The following MON1A variants were observed in gnomAD, a reference collection of about 807,000 sequenced individuals.
The protein encoded by MON1A is vacuolar fusion protein MON1 homolog A.
Under a neutral mutation model 44.6 loss-of-function variants are expected in MON1A, and 29 were observed. The ratio of observed to expected loss-of-function variants is 0.65; its 90% CI spans 0.48 to 0.89. The LOEUF is 0.89. MON1A is among the 40% of genes least tolerant of loss of function. The pLI is 0.00. For missense variants in MON1A, 615 were observed against 759.6 expected (o/e 0.81, Z 2.24); for synonymous variants, 275 against 316.4 (o/e 0.87, Z 1.39).
At chr3:49,928,667 CT>C (rs1379027386) in intron 1 of MON1A, among the ~76,000 whole-genome samples, 2 of 152,110 alleles carry the variant, frequency 1.3e-5, no homozygotes, top group Non-Finnish European at 2.9e-5. Context: ...CACCTTAACC[CT>C]TTGGAGCGGC....
intron 1 of MON1A, among the ~76,000 whole-genome samples, chr3:49,922,341 G>A (rs1559495827): frequency 1.3e-5 from 2 of 152,022 alleles, no homozygotes; most frequent in Non-Finnish European, 2.9e-5. Flanking sequence ...AGCTACCCCG[G>A]GAGGCTGAGG....
chr3:49,911,637 CA>C lies in MON1A; in HGVS notation c.501del (p.Val168CysfsTer42). ...HVFVLSEAGKPVYSRYGSEEA... is the reference protein window; with the variant it reads ...HVFVLSEAGKXVYSRYGSEEA... ...TCCTCAGACCCATAGCGGGAGTACA[CA>C]GGCTTCCCTGCCTCACTCAGCACAA... On this transcript the variant is annotated frameshift_variant, in exon 3 of 6. Coordinates refer to ENST00000296473, the MANE Select transcript of MON1A (RefSeq NM_032355.4). LOFTEE classifies it high-confidence loss of function. This position sits in a 1 kb window ranked among gnomAD's most constrained non-coding sequence, Gnocchi z 5.7. The C allele has an allele frequency of 6.2e-7, 1 of 1,614,188 alleles. No individual in the cohort carries two copies. The highest frequency in any genetic ancestry group is 8.5e-7 in the Non-Finnish European group (1 of 1,180,000).
At position 49,913,309 on chromosome 3, in the gene MON1A, C is replaced by T. The variant is rs1367159230; in HGVS notation, c.38G>A (p.Cys13Tyr). 2 of 1,613,682 alleles carry T rather than the reference C, an allele frequency of 1.2e-6. No homozygotes were observed. Among genetic ancestry groups the T allele is most frequent in the African/African-American group, 2.7e-5 (2 of 74,934 alleles). Reference protein sequence around the residue: ...TDMQRKRSSECLDGTLTPSDG... With the variant: ...TDMQRKRSSEYLDGTLTPSDG... ...AGAAGGAGTCAATGTGCCATCAAGG[C>T]ATTCGCTGCTTCTCTTCCTCTGCAT... The change falls in exon 2 of 6, where the codon TGC becomes TAC. Residue 13 changes from cysteine (C) to tyrosine (Y), a missense_variant. Cys to Tyr is a radical substitution (Grantham distance 194). Coordinates refer to ENST00000296473, the MANE Select transcript of MON1A (RefSeq NM_032355.4).
intron 1 of MON1A, among the ~76,000 whole-genome samples, chr3:49,913,701 C>T (rs961428502): frequency 6.3e-5 from 9 of 142,478 alleles, no homozygotes; most frequent in East Asian, 5.8e-4. Flanking sequence ...CTCGCTCTGC[C>T]GCCCAGGCTG....
At position 49,909,953 on chromosome 3, in the gene MON1A, GAGAGTCTGGGTCTCTGGTGCC is replaced by G. The variant is rs1670861434; in HGVS notation, c.1379+145_1379+165del. 8 of 735,080 alleles carry G rather than the reference GAGAGTCTGGGTCTCTGGTGCC, an allele frequency of 1.1e-5. No individual in the cohort carries two copies. Among genetic ancestry groups the G allele is most frequent in the South Asian group, 5.7e-5 (3 of 52,258 alleles). The allele number at this position is 735,080 out of a possible 1,614,324, so 45.5% of individuals were successfully genotyped here. A position where few individuals can be genotyped will look rare whatever the true frequency, so the allele number is the denominator to read the frequency against. Reference sequence around the variant, plus strand: ...GAGAGGGTATGCTCATGGGGTGATGGAGAGTCTGGGTCTCTGGTGCCAGAGTAAAACAGGCCCAGCACACTG... The same window carrying G: ...GAGAGGGTATGCTCATGGGGTGATGGAGAGTAAAACAGGCCCAGCACACTG... On this transcript the variant is annotated intron_variant, in intron 4 of 5. Transcript: ENST00000296473. This position sits in a 1 kb window ranked among gnomAD's most constrained non-coding sequence, Gnocchi z 4.0.
chr3:49,927,907 A>T (rs1488754287), intron 1 of MON1A, among the ~76,000 whole-genome samples: 1 of 151,742 alleles, frequency 6.6e-6, no homozygotes, highest in East Asian at 1.9e-4. Flanking sequence ...TCTCAAAAAA[A>T]AAAACAACAA....
intron 1 of MON1A, among the ~76,000 whole-genome samples, chr3:49,921,786 A>G (rs1048658892): frequency 2.0e-5 from 3 of 151,880 alleles, no homozygotes; most frequent in Non-Finnish European, 2.9e-5. Context: ...CAGCCTCCCG[A>G]GTAGCAGGGA....
At chr3:49,929,356 G>T in intron 1 of MON1A, 1 of 563,950 alleles carries the variant, frequency 1.8e-6, no homozygotes, top group Non-Finnish European at 3.1e-6. Context: ...TGGGGGAGTG[G>T]GGAGAGTCCT....
chr3:49,913,368 C>A lies in MON1A; in HGVS notation c.-13-9G>T. The A allele has an allele frequency of 6.2e-7, 1 of 1,600,858 alleles. No homozygotes were observed. The highest frequency in any genetic ancestry group is 1.1e-5 in the South Asian group (1 of 90,498). ...CCATCCTTTGAGCTCTCCTGTGGGGCAAACAAATGCAACATCGATGGCTTT... is the reference window on the plus strand; with the variant it reads ...CCATCCTTTGAGCTCTCCTGTGGGGAAAACAAATGCAACATCGATGGCTTT... On this transcript the variant is annotated splice_polypyrimidine_tract_variant and intron_variant, in intron 1 of 5. Coordinates refer to ENST00000296473, the MANE Select transcript of MON1A (RefSeq NM_032355.4).
In MON1A at chr3:49,911,767, T is replaced by TG. The variant is rs1159922855; in HGVS notation, c.371dup (p.Gly125ArgfsTer20). On this transcript the variant is annotated frameshift_variant, in exon 3 of 6. Coordinates refer to ENST00000296473, the MANE Select transcript of MON1A (RefSeq NM_032355.4). LOFTEE classifies it high-confidence loss of function. The surrounding 1 kb of genome is among the most constrained non-coding windows in gnomAD (Gnocchi z 5.7). ...CTGTGGCTGGTCGCCCAACTGCCCCTGGGGGTTCCAGCCAATCCTCAGAGC... is the reference window on the plus strand; with the variant it reads ...CTGTGGCTGGTCGCCCAACTGCCCCTGGGGGGTTCCAGCCAATCCTCAGAGC... 2 of 1,613,148 alleles carry TG rather than the reference T, an allele frequency of 1.2e-6. No homozygotes were observed. Among genetic ancestry groups the TG allele is most frequent in the Non-Finnish European group, 1.7e-6 (2 of 1,179,792 alleles).
At position 49,909,404 on chromosome 3, in the gene MON1A, C is replaced by T. The variant is rs2082849000; in HGVS notation, c.1380-4G>A. Reference sequence around the variant, plus strand: ...GTATGGGGCCTCAATCTCAGGGCTGCAGACAGGGTGGAGGGAGTGGGTTTG... The same window carrying T: ...GTATGGGGCCTCAATCTCAGGGCTGTAGACAGGGTGGAGGGAGTGGGTTTG... On this transcript the variant is annotated splice_region_variant and splice_polypyrimidine_tract_variant and intron_variant, in intron 4 of 5. Coordinates refer to ENST00000296473, the MANE Select transcript of MON1A (RefSeq NM_032355.4). This position sits in a 1 kb window ranked among gnomAD's most constrained non-coding sequence, Gnocchi z 4.0. 6.2e-7 allele frequency: 1 copy of T among 1,613,910 alleles called. No individual in the cohort carries two copies. Among genetic ancestry groups the T allele is most frequent in the South Asian group, 1.1e-5 (1 of 91,074 alleles).
rs539836135 is a variant in MON1A at position 49,911,806 on chromosome 3, C to T, written c.333G>A (p.Glu111=). The T allele has an allele frequency of 8.1e-6, 13 of 1,613,904 alleles. No homozygotes were observed. The highest frequency in any genetic ancestry group is 2.7e-5 in the African/African-American group (2 of 75,054). ...AATCCTCAGAGCTTCCTGGCAGCAT[C>T]TCCTCCTGCAGGTCCCGGGCCACAC... is the stretch of plus-strand genomic sequence containing the variant. ...LTGVARDLQE[E]MLPGSSEDWL... Residue 111 remains glutamate, a synonymous_variant, in exon 3 of 6, where the codon GAG becomes GAA. Coordinates refer to ENST00000296473, the MANE Select transcript of MON1A (RefSeq NM_032355.4). The surrounding 1 kb of genome is among the most constrained non-coding windows in gnomAD (Gnocchi z 5.7).
intron 1 of MON1A, among the ~76,000 whole-genome samples, chr3:49,928,023 C>T (rs2083064769): frequency 6.6e-6 from 1 of 152,180 alleles, no homozygotes; most frequent in South Asian, 2.1e-4. Flanking sequence ...TTATTCTGTC[C>T]TCAGGGCCCA....
In MON1A at chr3:49,909,280, C is replaced by T. The variant is rs370975679; in HGVS notation, c.1500G>A (p.Thr500=). 2.0e-5 allele frequency: 33 copies of T among 1,613,830 alleles called. No homozygotes were observed. The highest frequency in any genetic ancestry group is 2.6e-5 in the Non-Finnish European group (31 of 1,179,992). The change falls in exon 5 of 6, where the codon ACG becomes ACA. Residue 500 remains threonine, a synonymous_variant. Coordinates refer to ENST00000296473, the MANE Select transcript of MON1A (RefSeq NM_032355.4). The surrounding 1 kb of genome is among the most constrained non-coding windows in gnomAD (Gnocchi z 4.0). ...ASRPLKTIYY[T]GPNENLLAWV... The stretch of plus-strand genomic sequence containing the variant: ...AGGCCAGGAGGTTCTCGTTGGGGCC[C>T]GTGTAGTAAATGGTCTTGAGTGGGC...
intron 1 of MON1A, among the ~76,000 whole-genome samples, chr3:49,919,697 C>A (rs1158647475): frequency 6.6e-6 from 1 of 152,136 alleles, no homozygotes; most frequent in Non-Finnish European, 1.5e-5. Context: ...CCAGGCTGGT[C>A]TCAGGTGATC....
At chr3:49,912,124 C>T in intron 2 of MON1A, 113 bp from the exon 3 acceptor site, 1 of 1,296,854 alleles carries the variant, frequency 7.7e-7, no homozygotes, top group Non-Finnish European at 1.0e-6. Flanking sequence ...TAGGATCAAG[C>T]CACTGTTCCC....
chr3:49,918,483 C>T (rs2082967913), intron 1 of MON1A, among the ~76,000 whole-genome samples: 1 of 151,660 alleles, frequency 6.6e-6, no homozygotes, highest in African/African-American at 2.4e-5. Context: ...ACGATCTTGG[C>T]TCACCAAAAC....
intron 1 of MON1A, among the ~76,000 whole-genome samples, chr3:49,915,677 C>T (rs914652149): frequency 3.3e-5 from 5 of 152,208 alleles, no homozygotes; most frequent in African/African-American, 1.2e-4. Context: ...CTCTAAATAT[C>T]CTTTTGTACC....
intron 1 of MON1A, among the ~76,000 whole-genome samples, chr3:49,917,547 C>A (rs1287214317): frequency 6.6e-6 from 1 of 151,946 alleles, no homozygotes. Context: ...CTCAGCCTCC[C>A]AAAGTGCTGG....
Sources: gnomAD v4.1 joint callset for allele counts (sites outside exome capture counted in the v4.1 genomes callset) on GRCh38, gnomAD v4.1.1 for gene constraint, Gnocchi (gnomAD v3.1) non-coding constraint, MANE v1.5 for transcripts, NCBI Gene and HGNC (gene_info 2026-07-23, HGNC 2026-07-21) for gene names.